Variants in ASIC2 observed in about 807,000 individuals in gnomAD.
ASIC2 encodes the protein acid-sensing ion channel 2.
In ASIC2, 25 loss-of-function variants were observed where a neutral mutation model predicts 57.3. That is an observed-to-expected ratio of 0.44 (90% CI 0.32 to 0.61). The LOEUF (loss-of-function observed/expected upper bound fraction) is 0.61, where lower values mean the gene tolerates loss of function less well. Ranked by LOEUF, ASIC2 falls within the 20% of genes least tolerant of loss-of-function variation. The pLI is 0.06. For synonymous variants in ASIC2, 319 were observed against 307.5 expected, an observed-to-expected ratio of 1.04 and a Z score of -0.39; for missense variants, 641 against 738.1, an observed-to-expected ratio of 0.87 and a Z score of 1.52.
rs187476686 is a variant in ASIC2 at position 33,967,484 on chromosome 17, C to A, written c.555+188494G>T. Among the ~76,000 whole-genome samples, 5 of 152,326 alleles carry A rather than the reference C, an allele frequency of 3.3e-5. No individual in the cohort carries two copies. In the East Asian group the frequency reaches 5.8e-4, roughly 18 times the overall value. ...TCCGAAACTCAAGCAATCCACCCCCCTCAGCCTCCCAAAGTGCCAGGATTA... is the reference window on the plus strand; with the variant it reads ...TCCGAAACTCAAGCAATCCACCCCCATCAGCCTCCCAAAGTGCCAGGATTA... On this transcript the variant is annotated intron_variant, in intron 1 of 9. Coordinates refer to the ASIC2 transcript ENST00000359872.
At chr17:33,250,485 A>G (rs1908843631) in intron 1 of ASIC2, among the ~76,000 whole-genome samples, 1 of 152,218 alleles carries the variant, frequency 6.6e-6, no homozygotes, top group Non-Finnish European at 1.5e-5. Context: ...ATGTCCTCTG[A>G]GTAGAACAAG....
chr17:33,732,356 T>G (rs1909767378), intron 1 of ASIC2, among the ~76,000 whole-genome samples: 1 of 152,180 alleles, frequency 6.6e-6, no homozygotes, highest in Admixed American at 6.5e-5. Context: ...TATAGAATGG[T>G]GATCAAAATA....
rs190675669 is a variant in ASIC2, at chr17:34,074,871, C to G, written c.555+81107G>C. On this transcript the variant is annotated intron_variant, in intron 1 of 9. Coordinates refer to the ASIC2 transcript ENST00000359872. ...CGCGATCTCGGCTCACCACAAACACCATCTCCAGGGTTCAAGTGATTCTCC... is the reference window on the plus strand; with the variant it reads ...CGCGATCTCGGCTCACCACAAACACGATCTCCAGGGTTCAAGTGATTCTCC... Among the ~76,000 whole-genome samples, 209 of 150,900 alleles carry G rather than the reference C, an allele frequency of 1.4e-3. 1 individual carries two copies. The highest frequency in any genetic ancestry group is 5.0e-3 in the African/African-American group (204 of 41,034).
chr17:33,945,822 G>A (rs1174591315), intron 1 of ASIC2, among the ~76,000 whole-genome samples: 1 of 152,190 alleles, frequency 6.6e-6, no homozygotes, highest in Non-Finnish European at 1.5e-5. Context: ...GGTCAGAGCA[G>A]CAGGCAGTCT....
Position 33,301,041 on chromosome 17 carries a change from A to G in ASIC2, c.556-188974T>C, listed in dbSNP as rs530948884. 3.0e-3 allele frequency among the ~76,000 whole-genome samples: 62 copies of G among 20,592 alleles called. No homozygotes were observed. In the East Asian group the frequency reaches 0.16, roughly 52 times the overall value. The allele number at this position is 20,592 out of a possible 152,430, so 13.5% of individuals were successfully genotyped here. A position where few individuals can be genotyped will look rare whatever the true frequency, so the allele number is the denominator to read the frequency against. ...TTATTTATTTATTTATTTATTTTAG[A>G]AAAAAAAAATGATGTCTCACTCTGT... On this transcript the variant is annotated intron_variant, in intron 1 of 9. Transcript: ENST00000359872.
At chr17:34,025,599 T>C (rs902429621) in intron 1 of ASIC2, among the ~76,000 whole-genome samples, 3 of 152,240 alleles carry the variant, frequency 2.0e-5, no homozygotes, top group Non-Finnish European at 2.9e-5. Flanking sequence ...AATGTGGTTT[T>C]TTTGCATTAA....
intron 1 of ASIC2, among the ~76,000 whole-genome samples, chr17:33,263,176 T>C (rs973142484): frequency 7.2e-5 from 11 of 152,178 alleles, no homozygotes; most frequent in African/African-American, 2.7e-4. Context: ...CACCGCCTGG[T>C]TGCATAAAGA....
At chr17:33,512,901 C>A (rs1321481444) in intron 1 of ASIC2, among the ~76,000 whole-genome samples, 2 of 152,196 alleles carry the variant, frequency 1.3e-5, no homozygotes, top group Non-Finnish European at 2.9e-5. Context: ...CAGCTGGTAG[C>A]CCCAGACTCT....
chr17:33,782,900 A>G (rs1911499373), intron 1 of ASIC2, among the ~76,000 whole-genome samples: 2 of 152,024 alleles, frequency 1.3e-5, no homozygotes, highest in Admixed American at 1.3e-4. Context: ...CACTTGTTCT[A>G]GCTACAGAGG....
intron 1 of ASIC2, among the ~76,000 whole-genome samples, chr17:33,579,526 T>G (rs891732023): frequency 6.6e-6 from 1 of 152,132 alleles, no homozygotes; most frequent in African/African-American, 2.4e-5. Context: ...CCTGGTGGGT[T>G]CTCGGTCTCC....
chr17:33,627,414 TC>T (rs1049714892), intron 1 of ASIC2: 4 of 152,274 alleles, frequency 2.6e-5, no homozygotes, highest in African/African-American at 9.6e-5. Context: ...TAAATGCTTC[TC>T]AAATAAATAT....
intron 1 of ASIC2, among the ~76,000 whole-genome samples, chr17:34,133,145 G>A (rs1422369327): frequency 1.3e-5 from 2 of 152,170 alleles, no homozygotes; most frequent in East Asian, 3.8e-4. Context: ...CTGACTCTGG[G>A]ATTGATAAAT....
At chr17:33,780,463 T>C (rs867006304) in intron 1 of ASIC2, among the ~76,000 whole-genome samples, 43 of 152,312 alleles carry the variant, frequency 2.8e-4, no homozygotes, top group African/African-American at 9.9e-4. Context: ...CATCCCTGTC[T>C]TGGGGAAACA....
chr17:33,685,827 C>T (rs977265004), intron 1 of ASIC2, among the ~76,000 whole-genome samples: 4 of 152,124 alleles, frequency 2.6e-5, no homozygotes, highest in Non-Finnish European at 4.4e-5. Context: ...ACAAGATTCT[C>T]GGCAGCGTCT....
At chr17:33,334,429 C>T (rs1907433980) in intron 1 of ASIC2, among the ~76,000 whole-genome samples, 1 of 152,174 alleles carries the variant, frequency 6.6e-6, no homozygotes, top group Non-Finnish European at 1.5e-5. Flanking sequence ...CTTCTCTCTG[C>T]AGCGGCTTCA....
chr17:34,056,340 G>C (rs1040045317), intron 1 of ASIC2, among the ~76,000 whole-genome samples: 2 of 152,162 alleles, frequency 1.3e-5, no homozygotes, highest in African/African-American at 4.8e-5. Flanking sequence ...CACTGCTCAG[G>C]TCCTGCCTTC....
At chr17:33,578,144 C>G (rs1486754889) in intron 1 of ASIC2, among the ~76,000 whole-genome samples, 1 of 152,114 alleles carries the variant, frequency 6.6e-6, no homozygotes, top group Non-Finnish European at 1.5e-5. Flanking sequence ...GTTTAGAGAC[C>G]ACCTGCCCTT....
chr17:33,220,535 G>A (rs1187120494), intron 1 of ASIC2, among the ~76,000 whole-genome samples: 1 of 152,182 alleles, frequency 6.6e-6, no homozygotes, highest in Non-Finnish European at 1.5e-5. Context: ...TATAGCATCT[G>A]TATGACCTTG....
At chr17:33,138,566 G>T (rs140760451) in intron 1 of ASIC2, among the ~76,000 whole-genome samples, 34 of 152,250 alleles carry the variant, frequency 2.2e-4, no homozygotes, top group African/African-American at 7.5e-4. Context: ...TGGATTTTTT[G>T]ATGAGGAAAT....
Sources: allele counts gnomAD v4.1 joint callset (sites outside exome capture counted in the v4.1 genomes callset), GRCh38; gene constraint gnomAD v4.1.1; transcripts MANE v1.5; gene names NCBI Gene and HGNC (gene_info 2026-07-23, HGNC 2026-07-21).